The following EHBP1 variants were observed in gnomAD, a reference collection of about 807,000 sequenced individuals.
The protein encoded by EHBP1 is EH domain binding protein 1.
A neutral mutation model predicts 144.0 loss-of-function variants in EHBP1; 55 were observed. That is an observed-to-expected ratio of 0.38 (90% CI 0.31 to 0.48). EHBP1 has a LOEUF of 0.48. Among genes scored for constraint, EHBP1 ranks in the 20% least tolerant of loss-of-function variants. The pLI is 0.98. For missense variants in EHBP1, 1,200 were observed against 1,364.2 expected, an observed-to-expected ratio of 0.88 and a Z score of 1.90; for synonymous variants, 469 against 472.7, an observed-to-expected ratio of 0.99 and a Z score of 0.10.
In EHBP1 at chr2:63,045,281, C is replaced by T; in HGVS notation, c.3392+101C>T. On this transcript the variant is annotated intron_variant, in intron 22 of 22. Transcript: ENST00000431489. The surrounding 1 kb of genome is among the most constrained non-coding windows in gnomAD (Gnocchi z 5.7). ...AGAGGTCGCGGGAGGGCCGGGGCAG[C>T]CTCCCACTGGCCTGGTGCTCCCCAT... 1 of 1,376,248 alleles carries T rather than the reference C, an allele frequency of 7.3e-7. No homozygotes were observed. The highest frequency in any genetic ancestry group is 1.0e-6 in the Non-Finnish European group (1 of 989,324). 85.3% of individuals were successfully genotyped at this position (1,376,248 alleles called of 1,614,324 possible).
intron 19 of EHBP1, among the ~76,000 whole-genome samples, chr2:63,030,565 G>A (rs2061197559): frequency 6.6e-6 from 1 of 151,608 alleles, no homozygotes; most frequent in Admixed American, 6.6e-5. Context: ...TCGGCCCACT[G>A]CAAGCTCCAC....
intron 21 of EHBP1, among the ~76,000 whole-genome samples, chr2:63,041,712 C>A (rs2061666077): frequency 1.3e-5 from 2 of 152,132 alleles, no homozygotes; most frequent in African/African-American, 4.8e-5. Context: ...ATGGCCTGTT[C>A]TGATGATGAT....
At chr2:62,806,381 G>GT (rs907434182) in intron 5 of EHBP1, among the ~76,000 whole-genome samples, 2 of 149,704 alleles carry the variant, frequency 1.3e-5, no homozygotes, top group South Asian at 2.1e-4. Context: ...GTTTTTTTTT[G>GT]TTTTTTTGAG....
At chr2:62,689,150 C>T (rs1040085334) in intron 1 of EHBP1, among the ~76,000 whole-genome samples, 1 of 152,034 alleles carries the variant, frequency 6.6e-6, no homozygotes, top group Non-Finnish European at 1.5e-5. Context: ...TATCAAAGTG[C>T]CTTTAAATGC....
At chr2:63,013,590 A>G (rs1313384250) in intron 19 of EHBP1, among the ~76,000 whole-genome samples, 1 of 152,200 alleles carries the variant, frequency 6.6e-6, no homozygotes, top group Non-Finnish European at 1.5e-5. Context: ...CAAACTAGGC[A>G]AACTATACAT....
chr2:62,967,140 G>T (rs1265548404), intron 14 of EHBP1, among the ~76,000 whole-genome samples: 1 of 152,060 alleles, frequency 6.6e-6, no homozygotes, highest in Non-Finnish European at 1.5e-5. Context: ...ATCCAGGTCC[G>T]CCATCTGGCT....
At chr2:62,744,628 A>C (rs1423727488) in intron 2 of EHBP1, among the ~76,000 whole-genome samples, 1 of 152,150 alleles carries the variant, frequency 6.6e-6, no homozygotes, top group East Asian at 1.9e-4. Context: ...CTTTGGGGGC[A>C]TTCATAAATA....
chr2:62,860,422 C>T (rs763404963), intron 8 of EHBP1, among the ~76,000 whole-genome samples: 12 of 151,852 alleles, frequency 7.9e-5, no homozygotes, highest in East Asian at 1.9e-4. Context: ...ACCTGGGAGG[C>T]GGAGGTTGCA....
chr2:62,961,483 T>C (rs1401104913), intron 14 of EHBP1, among the ~76,000 whole-genome samples: 2 of 152,142 alleles, frequency 1.3e-5, no homozygotes, highest in African/African-American at 2.4e-5. Context: ...TTTTCAAAGG[T>C]TGAATTTTAC....
At chr2:63,025,005 A>G (rs562451905) in intron 19 of EHBP1, among the ~76,000 whole-genome samples, 1 of 152,298 alleles carries the variant, frequency 6.6e-6, no homozygotes, top group Non-Finnish European at 1.5e-5. Flanking sequence ...GGGAAAAAAA[A>G]AAAAGTAGAA....
intron 10 of EHBP1, among the ~76,000 whole-genome samples, chr2:62,929,208 G>A (rs2055778643): frequency 6.6e-6 from 1 of 152,138 alleles, no homozygotes; most frequent in African/African-American, 2.4e-5. Context: ...ACATTGGAGA[G>A]GGAATACTCC....
intron 5 of EHBP1, among the ~76,000 whole-genome samples, chr2:62,795,635 C>T (rs887208580): frequency 2.0e-5 from 3 of 151,880 alleles, no homozygotes; most frequent in Admixed American, 6.6e-5. Flanking sequence ...CATTTTTTCC[C>T]TTGTTAATAA....
intron 3 of EHBP1, among the ~76,000 whole-genome samples, chr2:62,748,943 TACC>T (rs2039413153): frequency 6.6e-6 from 1 of 152,198 alleles, no homozygotes; most frequent in Non-Finnish European, 1.5e-5. Context: ...CTTGTATAAT[TACC>T]ACTTCTGTAA....
intron 7 of EHBP1, among the ~76,000 whole-genome samples, chr2:62,836,115 G>C (rs2047223713): frequency 6.6e-6 from 1 of 152,148 alleles, no homozygotes; most frequent in Non-Finnish European, 1.5e-5. Context: ...GAAGAGAGCA[G>C]TGGTTCTCCC....
intron 10 of EHBP1, among the ~76,000 whole-genome samples, chr2:62,919,356 A>G (rs1295016963): frequency 6.6e-6 from 1 of 152,188 alleles, no homozygotes; most frequent in African/African-American, 2.4e-5. Flanking sequence ...AGACTAGACT[A>G]TTCAAAAGCA....
At chr2:62,984,838 C>T (rs957642848) in intron 15 of EHBP1, among the ~76,000 whole-genome samples, 2 of 152,204 alleles carry the variant, frequency 1.3e-5, no homozygotes, top group South Asian at 2.1e-4. Context: ...GTAAATGGCA[C>T]CTGTTTAACA....
intron 5 of EHBP1, among the ~76,000 whole-genome samples, chr2:62,820,548 C>T (rs866201690): frequency 1.2e-3 from 175 of 151,472 alleles, no homozygotes; most frequent in African/African-American, 4.1e-3. Context: ...ACCTGGTAAC[C>T]GCTATTCTGC....
intron 19 of EHBP1, among the ~76,000 whole-genome samples, chr2:62,997,331 G>A (rs536383396): frequency 6.6e-6 from 1 of 151,922 alleles, no homozygotes; most frequent in Non-Finnish European, 1.5e-5. Flanking sequence ...AGAGCACCAA[G>A]TTAGCTCCTA....
intron 10 of EHBP1, chr2:62,881,568 C>T (rs1334392782): frequency 6.6e-6 from 1 of 151,986 alleles, no homozygotes; most frequent in East Asian, 1.9e-4. Flanking sequence ...AAATCTAAAT[C>T]ATCCTTTGAC....
Sources: gnomAD v4.1 joint callset for allele counts (sites outside exome capture counted in the v4.1 genomes callset) on GRCh38, gnomAD v4.1.1 for gene constraint, Gnocchi (gnomAD v3.1) non-coding constraint, MANE v1.5 for transcripts, NCBI Gene and HGNC (gene_info 2026-07-23, HGNC 2026-07-21) for gene names.